Variants in GAB3 observed in about 807,000 individuals in gnomAD.
GAB3 encodes the protein GRB2 associated binding protein 3.
A neutral mutation model predicts 40.4 loss-of-function variants in GAB3; 12 were observed. The observed-to-expected ratio is 0.30, with a 90% CI of 0.19 to 0.48. GAB3 has a LOEUF of 0.48. Among genes scored for constraint, GAB3 ranks in the 20% least tolerant of loss-of-function variants. GAB3 has a pLI of 0.99. For synonymous variants in GAB3, 154 were observed against 176.7 expected (o/e 0.87, Z 1.02); for missense variants, 381 against 461.9 (o/e 0.82, Z 1.61).
rs781827672 is a variant in GAB3 at position 154,692,171 on chromosome X, CA to C, written c.1530+3745del. ...AAAGGAAAGAAAATTTTGACTTCAT[CA>C]AAATAAAAAACTTCTGCGCATCAAA... On this transcript the variant is annotated intron_variant, in intron 8 of 9. Transcript: ENST00000424127. 2.8e-3 allele frequency among the ~76,000 whole-genome samples: 307 copies of C among 111,092 alleles called. 1 individual carries two copies. The highest frequency in any genetic ancestry group is 9.9e-3 in the African/African-American group (304 of 30,600).
intron 5 of GAB3, among the ~76,000 whole-genome samples, chrX:154,699,736 G>A (rs2070713012): frequency 8.9e-6 from 1 of 112,067 alleles, no homozygotes; most frequent in Non-Finnish European, 1.9e-5. Context: ...AAGACAGAGG[G>A]TTATGAGTTT....
At chrX:154,691,307 T>G (rs1557249325) in intron 8 of GAB3, among the ~76,000 whole-genome samples, 1 of 103,906 alleles carries the variant, frequency 9.6e-6, no homozygotes, top group Non-Finnish European at 2.0e-5. Flanking sequence ...TTGGGAGATA[T>G]ACCTAATGCT....
At chrX:154,704,600 A>T (rs2070781054) in intron 4 of GAB3, among the ~76,000 whole-genome samples, 1 of 111,505 alleles carries the variant, frequency 9.0e-6, no homozygotes, top group Non-Finnish European at 1.9e-5. Context: ...AATAATAAAG[A>T]TCACATCAGA....
intron 8 of GAB3, among the ~76,000 whole-genome samples, chrX:154,690,969 G>A (rs1424054833): frequency 2.7e-5 from 3 of 110,054 alleles, no homozygotes; most frequent in South Asian, 7.7e-4. Flanking sequence ...ACATGCACAC[G>A]TATGTTTATT....
chrX:154,719,563 G>T (rs1484864141), intron 1 of GAB3, among the ~76,000 whole-genome samples: 17 of 112,086 alleles, frequency 1.5e-4, no homozygotes, highest in African/African-American at 5.2e-4. Flanking sequence ...CAGGCATGAG[G>T]GTGGAAAGGA....
At chrX:154,702,117 C>T (rs1190013194) in intron 4 of GAB3, among the ~76,000 whole-genome samples, 13 of 112,302 alleles carry the variant, frequency 1.2e-4, no homozygotes, top group Admixed American at 1.0e-3. Context: ...AATTATACTA[C>T]AGAGCTATGG....
At chrX:154,738,278 T>TACAGGACAG (rs1557260781) in intron 1 of GAB3, among the ~76,000 whole-genome samples, 3 of 112,407 alleles carry the variant, frequency 2.7e-5, no homozygotes, top group Non-Finnish European at 5.6e-5. Flanking sequence ...GAGGAGTTTA[T>TACAGGACAG]TTAGTTCTGG....
chrX:154,736,498 T>C (rs1557260544), intron 1 of GAB3, among the ~76,000 whole-genome samples: 2 of 112,613 alleles, frequency 1.8e-5, no homozygotes, highest in African/African-American at 6.5e-5. Context: ...TGCTGACTGT[T>C]ATCATCTAGA....
intron 1 of GAB3, among the ~76,000 whole-genome samples, chrX:154,743,272 A>T (rs1340028562): frequency 2.7e-5 from 3 of 110,552 alleles, no homozygotes; most frequent in Non-Finnish European, 3.8e-5. Flanking sequence ...AATATTTTTT[A>T]AAATGAGGGA....
intron 1 of GAB3, among the ~76,000 whole-genome samples, chrX:154,730,608 G>A (rs1199710127): frequency 3.6e-5 from 4 of 112,138 alleles, no homozygotes; most frequent in African/African-American, 1.3e-4. Flanking sequence ...CAAAAGGTAA[G>A]CATCATTAAA....
At chrX:154,709,970 G>T (rs782443315) in intron 4 of GAB3, among the ~76,000 whole-genome samples, 1 of 111,967 alleles carries the variant, frequency 8.9e-6, no homozygotes, top group Non-Finnish European at 1.9e-5. Flanking sequence ...TTGGTCAAAA[G>T]GTACAAACTT....
intron 8 of GAB3, among the ~76,000 whole-genome samples, chrX:154,690,043 A>C (rs2070529999): frequency 9.0e-6 from 1 of 111,040 alleles, no homozygotes; most frequent in South Asian, 3.8e-4. Flanking sequence ...TAACCAAAAC[A>C]GCATGGTACT....
At chrX:154,734,473 CAG>C (rs1557260312) in intron 1 of GAB3, among the ~76,000 whole-genome samples, 1 of 112,645 alleles carries the variant, frequency 8.9e-6, no homozygotes, top group East Asian at 2.8e-4. Context: ...AATGTTGTAA[CAG>C]AGGGAAGTCC....
chrX:154,676,345 G>A lies in GAB3; in HGVS notation c.*1833C>T, dbSNP rs1482501975. 3 of 111,250 alleles carry A rather than the reference G, an allele frequency of 2.7e-5. No individual in the cohort carries two copies. The highest frequency in any genetic ancestry group is 9.8e-5 in the African/African-American group (3 of 30,495). 9.2% of individuals were successfully genotyped at this position (111,250 alleles called of 1,213,427 possible). On this transcript the variant is annotated 3_prime_UTR_variant, in exon 10 of 10. Transcript: ENST00000424127. ...CACACGAGGGAACTACCCTCCATGG[G>A]AACTAGCAGTTTGAAGCCCTGGTTT...
chrX:154,675,332 G>A lies in GAB3; in HGVS notation c.*2846C>T, dbSNP rs1454978863. On this transcript the variant is annotated 3_prime_UTR_variant, in exon 10 of 10. Coordinates refer to ENST00000424127, the MANE Select transcript of GAB3 (RefSeq NM_001081573.3). ...TTGAAAAATCAGTGTGATTGTGGGTGCAGAGATGGTATGAACAGGGACTGA... is the reference window on the plus strand; with the variant it reads ...TTGAAAAATCAGTGTGATTGTGGGTACAGAGATGGTATGAACAGGGACTGA... 1.8e-5 allele frequency: 2 copies of A among 112,556 alleles called. No individual in the cohort carries two copies. The highest frequency in any genetic ancestry group is 7.3e-4 in the South Asian group (2 of 2,735). The allele number at this position is 112,556 out of a possible 1,213,427, so 9.3% of individuals were successfully genotyped here.
At chrX:154,704,273 TGGGGGAAGTGGGGATGG>T (rs2070776727) in intron 4 of GAB3, among the ~76,000 whole-genome samples, 1 of 101,541 alleles carries the variant, frequency 9.8e-6, no homozygotes, top group Non-Finnish European at 2.0e-5. Flanking sequence ...TGGGGGGCTG[TGGGGGAAGTGGGGATGG>T]TTAATAGATA....
intron 1 of GAB3, among the ~76,000 whole-genome samples, chrX:154,730,144 A>G: frequency 8.9e-6 from 1 of 112,411 alleles, no homozygotes; most frequent in Non-Finnish European, 1.9e-5. Flanking sequence ...TTAGCTCTGT[A>G]TTGCAAAGTT....
At chrX:154,681,652 T>G (rs1242204476) in intron 8 of GAB3, among the ~76,000 whole-genome samples, 1 of 111,486 alleles carries the variant, frequency 9.0e-6, no homozygotes, top group Admixed American at 9.5e-5. Flanking sequence ...GTCGATCTTT[T>G]CCTGTATGGC....
At chrX:154,708,746 G>A (rs1040143076) in intron 4 of GAB3, among the ~76,000 whole-genome samples, 1 of 111,867 alleles carries the variant, frequency 8.9e-6, no homozygotes, top group African/African-American at 3.3e-5. Flanking sequence ...GAGAACCCTT[G>A]TACACTGTTG....
Sources: gnomAD v4.1 joint callset for allele counts (sites outside exome capture counted in the v4.1 genomes callset) on GRCh38, gnomAD v4.1.1 for gene constraint, MANE v1.5 for transcripts, NCBI Gene and HGNC (gene_info 2026-07-23, HGNC 2026-07-21) for gene names.